Variants in PCLO observed in about 807,000 individuals in gnomAD.
PCLO encodes the protein protein piccolo.
A neutral mutation model predicts 427.5 loss-of-function variants in PCLO; 82 were observed. The observed-to-expected ratio is 0.19, with a 90% CI of 0.16 to 0.23. PCLO has a LOEUF of 0.23. Ranked by LOEUF, PCLO falls within the 10% of genes least tolerant of loss-of-function variation. PCLO has a pLI of 1.00. For missense variants in PCLO, 6,239 were observed against 6,115.9 expected (o/e 1.02, Z -0.67); for synonymous variants, 2,357 against 2,155.4 (o/e 1.09, Z -2.59).
chr7:83,075,084 C>T (rs1789916812), intron 3 of PCLO, among the ~76,000 whole-genome samples: 1 of 151,956 alleles, frequency 6.6e-6, no homozygotes, highest in South Asian at 2.1e-4. Context: ...ATTTTGAGTC[C>T]CTTAGAGACC....
chr7:83,000,576 G>C (rs917970734), intron 3 of PCLO, among the ~76,000 whole-genome samples: 5 of 151,940 alleles, frequency 3.3e-5, no homozygotes, highest in Non-Finnish European at 5.9e-5. Flanking sequence ...TCAGGCATTA[G>C]ATTTTCATAA....
chr7:82,845,407 G>A lies in PCLO; in HGVS notation c.13910C>T (p.Pro4637Leu), dbSNP rs757268101. 19 of 1,612,964 alleles carry A rather than the reference G, an allele frequency of 1.2e-5. No homozygotes were observed. In the East Asian group the frequency reaches 2.2e-4, roughly 19 times the overall value. Residue 4637 changes from proline (P) to leucine (L), a missense_variant, in exon 13 of 25, where the codon CCG becomes CTG. Transcript: ENST00000333891. ...TTCAACAACTGATGACAGAACCAGC[G>A]GTGACTGCTGTAGTGAAACCTTCTG... ...ELQKVSLQQSPLVLSSVVEKG... is the reference protein window; with the variant it reads ...ELQKVSLQQSLLVLSSVVEKG...
chr7:82,916,881 C>G lies in PCLO; in HGVS notation c.11113-8G>C. On this transcript the variant is annotated splice_region_variant and splice_polypyrimidine_tract_variant and intron_variant, in intron 6 of 24. Transcript: ENST00000333891. ...GGTTTGAGAACCTTTAGTCTATAAT[C>G]AAGTAAACAAAATATAGTACTTTAG... The G allele has an allele frequency of 1.3e-6, 2 of 1,591,804 alleles. No homozygotes were observed. The highest frequency in any genetic ancestry group is 8.6e-7 in the Non-Finnish European group (1 of 1,168,346).
At chr7:82,896,900 G>A (rs1793917421) in intron 9 of PCLO, among the ~76,000 whole-genome samples, 1 of 151,642 alleles carries the variant, frequency 6.6e-6, no homozygotes, top group Non-Finnish European at 1.5e-5. Context: ...TAGCCTTGCA[G>A]ATGTAGCCAG....
At chr7:83,091,673 C>T (rs1436823444) in intron 3 of PCLO, among the ~76,000 whole-genome samples, 1 of 152,052 alleles carries the variant, frequency 6.6e-6, no homozygotes, top group Non-Finnish European at 1.5e-5. Flanking sequence ...TGTACATTTG[C>T]TTATAATAAA....
chr7:83,090,613 T>C (rs1176742883), intron 3 of PCLO, among the ~76,000 whole-genome samples: 1 of 152,152 alleles, frequency 6.6e-6, no homozygotes, highest in East Asian at 1.9e-4. Context: ...AGATCTAAAA[T>C]CTTATGATTC....
intron 21 of PCLO, among the ~76,000 whole-genome samples, chr7:82,805,025 T>C (rs1395428077): frequency 3.3e-5 from 5 of 152,058 alleles, no homozygotes; most frequent in Admixed American, 3.3e-4. Flanking sequence ...GCCACCAATA[T>C]GACCAAGGCG....
intron 3 of PCLO, among the ~76,000 whole-genome samples, chr7:83,059,767 G>C (rs1789497472): frequency 6.6e-6 from 1 of 152,008 alleles, no homozygotes; most frequent in Non-Finnish European, 1.5e-5. Context: ...CAGTGAAGGA[G>C]AGAGCAACCA....
intron 6 of PCLO, among the ~76,000 whole-genome samples, chr7:82,943,928 C>T (rs372279278): frequency 6.6e-6 from 1 of 151,754 alleles, no homozygotes; most frequent in Non-Finnish European, 1.5e-5. Flanking sequence ...GAGGCCGAGG[C>T]GGGTGGATCA....
At chr7:83,037,578 C>T (rs116497565) in intron 3 of PCLO, among the ~76,000 whole-genome samples, 2,743 of 151,730 alleles carry the variant, frequency 0.018, 82 homozygotes, top group African/African-American at 0.062. Flanking sequence ...AGGAAGGAAG[C>T]AGTTATTTTT....
intron 22 of PCLO, among the ~76,000 whole-genome samples, chr7:82,794,450 A>ATTTTTTTTTTT (rs141105612): frequency 1.1e-4 from 7 of 62,028 alleles, no homozygotes; most frequent in Non-Finnish European, 1.9e-4. Context: ...TAGTTCATAA[A>ATTTTTTTTTTT]TTTTTTTTCT....
At chr7:82,992,721 G>C (rs974362987) in intron 3 of PCLO, among the ~76,000 whole-genome samples, 2 of 151,968 alleles carry the variant, frequency 1.3e-5, no homozygotes, top group South Asian at 4.1e-4. Flanking sequence ...TAACAAACCT[G>C]CACATCCTGT....
chr7:83,047,438 C>T (rs1203468493), intron 3 of PCLO, among the ~76,000 whole-genome samples: 1 of 152,016 alleles, frequency 6.6e-6, no homozygotes, highest in Non-Finnish European at 1.5e-5. Context: ...TCATCTCTTA[C>T]ATTGTCCTGT....
chr7:82,956,519 A>G lies in PCLO; in HGVS notation c.4434T>C (p.Thr1478=). 1 of 1,612,756 alleles carries G rather than the reference A, an allele frequency of 6.2e-7. No homozygotes were observed. The highest frequency in any genetic ancestry group is 2.2e-5 in the East Asian group (1 of 44,862). The change falls in exon 5 of 25, where the codon ACT becomes ACC. Residue 1478 remains threonine, a synonymous_variant. Transcript: ENST00000333891. ...IKESQEERKD[T]FKKDSQQDIP... is the part of the protein sequence containing the mutation. ...TATCTTGTTGGCTATCTTTTTTAAA[A>G]GTGTCTTTCCTTTCTTCTTGACTCT...
At chr7:83,089,400 C>T (rs1190327901) in intron 3 of PCLO, among the ~76,000 whole-genome samples, 1 of 152,082 alleles carries the variant, frequency 6.6e-6, no homozygotes, top group Admixed American at 6.5e-5. Context: ...TTCCCTCATG[C>T]CTATAGAACT....
intron 21 of PCLO, among the ~76,000 whole-genome samples, chr7:82,802,703 C>T (rs1791380407): frequency 6.6e-6 from 1 of 152,088 alleles, no homozygotes; most frequent in South Asian, 2.1e-4. Flanking sequence ...GATTTACTAA[C>T]AATTAATTAT....
chr7:82,891,609 C>G (rs962935184), intron 9 of PCLO, among the ~76,000 whole-genome samples: 13 of 152,076 alleles, frequency 8.5e-5, no homozygotes, highest in East Asian at 1.9e-4. Flanking sequence ...TCCCTGTCTT[C>G]TGCCAGTTTT....
intron 20 of PCLO, among the ~76,000 whole-genome samples, chr7:82,818,754 A>G (rs866526339): frequency 2.6e-5 from 4 of 152,348 alleles, no homozygotes; most frequent in Middle Eastern, 6.8e-3. Flanking sequence ...TTGCTCACGC[A>G]TAAAACAGGG....
Position 82,950,747 on chromosome 7 carries a change from T to C in PCLO, c.9841A>G (p.Met3281Val), listed in dbSNP as rs778601639. ...QEEERQAQFMMRQETLAQQQL... is the reference protein window; with the variant it reads ...QEEERQAQFMVRQETLAQQQL... ...TGCTGAGCTAACGTCTCCTGCCTCA[T>C]CATGAACTGGGCTTGCCGCTCTTCT... is the stretch of plus-strand genomic sequence containing the variant. Residue 3281 changes from methionine to valine, a missense_variant, in exon 6 of 25, where the codon ATG (methionine) becomes GTG (valine). Met to Val is a conservative substitution (Grantham distance 21). Transcript: ENST00000333891. The C allele has an allele frequency of 6.2e-7, 1 of 1,613,864 alleles. No homozygotes were observed. Among genetic ancestry groups the C allele is most frequent in the Non-Finnish European group, 8.5e-7 (1 of 1,179,840 alleles).
Sources: gnomAD v4.1 joint callset for allele counts (sites outside exome capture counted in the v4.1 genomes callset) on GRCh38, gnomAD v4.1.1 for gene constraint, MANE v1.5 for transcripts, NCBI Gene and HGNC (gene_info 2026-07-23, HGNC 2026-07-21) for gene names.